Variants in SGCD observed in about 807,000 individuals in gnomAD.
SGCD encodes sarcoglycan delta.
In SGCD, 18 loss-of-function variants were observed where a neutral mutation model predicts 36.6. That is an observed-to-expected ratio of 0.49 (90% CI 0.34 to 0.73). SGCD has a LOEUF of 0.73. SGCD is among the 30% of genes least tolerant of loss of function. The pLI is 0.01. For missense variants in SGCD, 387 were observed against 346.7 expected (o/e 1.12, Z -0.92); for synonymous variants, 133 against 130.6 (o/e 1.02, Z -0.12).
chr5:156,602,049 A>C (rs560884702), intron 6 of SGCD, among the ~76,000 whole-genome samples: 56 of 152,296 alleles, frequency 3.7e-4, no homozygotes, highest in African/African-American at 1.3e-3. Flanking sequence ...TGGACATTTT[A>C]ACAATTTAAG....
At chr5:156,623,185 CT>C (rs1395810508) in intron 6 of SGCD, among the ~76,000 whole-genome samples, 1 of 151,934 alleles carries the variant, frequency 6.6e-6, no homozygotes, top group African/African-American at 2.4e-5. Flanking sequence ...GTACATGAAT[CT>C]CTTTTAGAAA....
chr5:156,226,195 G>A (rs898179521), intron 3 of SGCD, among the ~76,000 whole-genome samples: 1 of 152,014 alleles, frequency 6.6e-6, no homozygotes, highest in African/African-American at 2.4e-5. Context: ...TACCCTATTT[G>A]TAGTCTTTTA....
chr5:155,769,371 CA>C, the SGCD span, among the ~76,000 whole-genome samples: 115 of 83,156 alleles, frequency 1.4e-3, 1 homozygote, highest in South Asian at 9.3e-3. Flanking sequence ...TAGAAACAGC[CA>C]AAAAAAAAAG....
chr5:156,644,320 C>A (rs1763149400), intron 6 of SGCD, among the ~76,000 whole-genome samples: 1 of 152,028 alleles, frequency 6.6e-6, no homozygotes, highest in South Asian at 2.1e-4. Flanking sequence ...TAGTCCACAG[C>A]AATTTTAACA....
intron 3 of SGCD, among the ~76,000 whole-genome samples, chr5:156,314,579 G>A (rs941183142): frequency 2.0e-4 from 31 of 152,020 alleles, no homozygotes; most frequent in Non-Finnish European, 2.8e-4. Flanking sequence ...AGGCGTTGGT[G>A]AACACAGATG....
At chr5:156,752,225 T>C (rs1757170510) in intron 7 of SGCD, among the ~76,000 whole-genome samples, 1 of 152,246 alleles carries the variant, frequency 6.6e-6, no homozygotes, top group South Asian at 2.1e-4. Context: ...TGTTTAAGGA[T>C]GCAAATTTAG....
chr5:156,209,910 C>T (rs1764393120), intron 3 of SGCD, among the ~76,000 whole-genome samples: 1 of 152,182 alleles, frequency 6.6e-6, no homozygotes, highest in South Asian at 2.1e-4. Context: ...CTCAGTGCCA[C>T]TATTGGGCAG....
At chr5:155,741,242 G>A in the SGCD span, among the ~76,000 whole-genome samples, 1 of 152,136 alleles carries the variant, frequency 6.6e-6, no homozygotes, top group Admixed American at 6.5e-5. Flanking sequence ...TCTCCAGGTA[G>A]CAAGCTTCAG....
At chr5:155,989,783 ATT>A in intron 1 of SGCD, among the ~76,000 whole-genome samples, 1 of 152,220 alleles carries the variant, frequency 6.6e-6, no homozygotes, top group Non-Finnish European at 1.5e-5. Context: ...AGCAAGACTC[ATT>A]CATCTGATCA....
chr5:155,790,318 A>G, the SGCD span, among the ~76,000 whole-genome samples: 1 of 152,108 alleles, frequency 6.6e-6, no homozygotes, highest in South Asian at 2.1e-4. Flanking sequence ...AGACAAGTTT[A>G]CATTCTTACT....
intron 1 of SGCD, among the ~76,000 whole-genome samples, chr5:156,074,520 A>G (rs1447995768): frequency 6.6e-6 from 1 of 152,098 alleles, no homozygotes; most frequent in East Asian, 1.9e-4. Context: ...CGTCTCTACT[A>G]AAAATATAAA....
At chr5:156,171,119 T>C (rs1463463195) in intron 3 of SGCD, among the ~76,000 whole-genome samples, 1 of 152,234 alleles carries the variant, frequency 6.6e-6, no homozygotes, top group East Asian at 1.9e-4. Context: ...TCTGTAATTT[T>C]CCAAGGAGGT....
intron 1 of SGCD, among the ~76,000 whole-genome samples, chr5:155,969,365 T>C (rs1403963302): frequency 1.3e-5 from 2 of 152,176 alleles, no homozygotes; most frequent in African/African-American, 2.4e-5. Flanking sequence ...TATATGTGTT[T>C]GTTTGCCTGT....
intron 3 of SGCD, among the ~76,000 whole-genome samples, chr5:156,433,648 A>G (rs1338430831): frequency 2.0e-5 from 3 of 152,208 alleles, no homozygotes; most frequent in Non-Finnish European, 4.4e-5. Context: ...AGGGGCTTAC[A>G]TCAGTTATTA....
chr5:156,425,116 C>T (rs1300325626), intron 3 of SGCD, among the ~76,000 whole-genome samples: 1 of 152,072 alleles, frequency 6.6e-6, no homozygotes. Context: ...TTATAAGCAA[C>T]CCTTTCAAAG....
intron 3 of SGCD, among the ~76,000 whole-genome samples, chr5:156,500,765 G>A (rs917548263): frequency 6.6e-6 from 1 of 152,296 alleles, no homozygotes; most frequent in Non-Finnish European, 1.5e-5. Flanking sequence ...GGAGTCCTGG[G>A]CATGGGGCGG....
At chr5:156,700,845 A>T (rs752753681) in intron 7 of SGCD, among the ~76,000 whole-genome samples, 15 of 150,186 alleles carry the variant, frequency 1.0e-4, no homozygotes, top group Non-Finnish European at 2.1e-4. Flanking sequence ...CAAGAGGCTG[A>T]GGCAGAAAGA....
the SGCD span, among the ~76,000 whole-genome samples, chr5:155,840,318 A>G: frequency 1.4e-5 from 2 of 147,802 alleles, no homozygotes; most frequent in African/African-American, 5.0e-5. Context: ...ATCTCGGCTC[A>G]CTGCAAGCTC....
At chr5:156,516,687 A>T (rs1757189965) in intron 4 of SGCD, among the ~76,000 whole-genome samples, 1 of 152,188 alleles carries the variant, frequency 6.6e-6, no homozygotes, top group Admixed American at 6.5e-5. Flanking sequence ...GACTGACATA[A>T]GTAGGCTTCA....
Sources: allele counts gnomAD v4.1 joint callset (sites outside exome capture counted in the v4.1 genomes callset), GRCh38; gene constraint gnomAD v4.1.1; transcripts MANE v1.5; gene names NCBI Gene and HGNC (gene_info 2026-07-23, HGNC 2026-07-21).